The following DCLK1 variants were observed in gnomAD, a reference collection of about 807,000 sequenced individuals.
The protein encoded by DCLK1 is serine/threonine-protein kinase DCLK1.
Under a neutral mutation model 86.2 loss-of-function variants are expected in DCLK1, and 16 were observed. The ratio of observed to expected loss-of-function variants is 0.19; its 90% confidence interval spans 0.13 to 0.28. The LOEUF is 0.28. Ranked by LOEUF, DCLK1 falls within the 10% of genes least tolerant of loss-of-function variation. The pLI, the probability that DCLK1 is intolerant of heterozygous loss-of-function variation, is 1.00. For synonymous variants in DCLK1, 369 were observed against 370.5 expected, an observed-to-expected ratio of 1.00 and a Z score of 0.05; for missense variants, 590 against 940.2, an observed-to-expected ratio of 0.63 and a Z score of 4.87.
At chr13:35,810,661 G>C (rs2087123147) in intron 12 of DCLK1, among the ~76,000 whole-genome samples, 174 bp downstream of exon 12, 1 of 152,178 alleles carries the variant, frequency 6.6e-6, no homozygotes, top group Admixed American at 6.5e-5. Context: ...TGGGAAAACA[G>C]AGAAAATGGC....
intron 4 of DCLK1, among the ~76,000 whole-genome samples, chr13:35,929,612 G>C (rs1295505708): frequency 6.6e-6 from 1 of 152,164 alleles, no homozygotes; most frequent in Non-Finnish European, 1.5e-5. Context: ...GCAAAGATTT[G>C]CCTTTCCTCA....
chr13:36,089,639 T>A (rs561365270), intron 3 of DCLK1, among the ~76,000 whole-genome samples: 1 of 152,240 alleles, frequency 6.6e-6, no homozygotes, highest in South Asian at 2.1e-4. Flanking sequence ...CCAAGAAATA[T>A]ACAACAGGCA....
rs200123566 is a variant in DCLK1 at position 35,963,879 on chromosome 13, ACT to A, written c.724-16424_724-16423del. ...CCTGAGGCCTCCCCAGCAATGCAGA[ACT>A]CTGAGTCAACTAAACCTCTTTATAA... On this transcript the variant is annotated intron_variant, in intron 3 of 16. Transcript: ENST00000360631. 2.9e-3 allele frequency among the ~76,000 whole-genome samples: 440 copies of A among 152,264 alleles called. 16 individuals carry two copies. In the East Asian group the frequency reaches 0.061, roughly 21 times the overall value.
chr13:35,827,964 CATG>C (rs778750946), intron 9 of DCLK1, among the ~76,000 whole-genome samples: 108 of 152,200 alleles, frequency 7.1e-4, no homozygotes, highest in Non-Finnish European at 1.2e-3. Flanking sequence ...CAGAACCAAT[CATG>C]ATAACTACAG....
At chr13:36,012,725 G>A (rs1430235772) in intron 3 of DCLK1, among the ~76,000 whole-genome samples, 1 of 108,348 alleles carries the variant, frequency 9.2e-6, no homozygotes, top group Non-Finnish European at 1.8e-5. Context: ...CTCTTCTCGA[G>A]GAGTATCTTT....
rs1412506991 is a variant in DCLK1 at position 35,945,741 on chromosome 13, G to A, written c.823+1617C>T. 5.9e-5 allele frequency among the ~76,000 whole-genome samples: 9 copies of A among 152,096 alleles called. No homozygotes were observed. The South Asian group carries it at 1.9e-3, about 32-fold the overall frequency. On this transcript the variant is annotated intron_variant, in intron 4 of 16. Transcript: ENST00000360631. The stretch of plus-strand genomic sequence containing the variant: ...CAATGGCAAAGCTGTTCTTAAAATG[G>A]TGGCGTGGGGGGGACCTTCCCTGAG...
At chr13:36,001,380 A>T (rs1170151881) in intron 3 of DCLK1, among the ~76,000 whole-genome samples, 1 of 152,208 alleles carries the variant, frequency 6.6e-6, no homozygotes. Flanking sequence ...TTTAATGGAA[A>T]GAACCAGCTG....
At chr13:36,004,535 G>A (rs946745158) in intron 3 of DCLK1, among the ~76,000 whole-genome samples, 13 of 152,156 alleles carry the variant, frequency 8.5e-5, no homozygotes, top group Non-Finnish European at 1.8e-4. Context: ...ATCTTAAGAA[G>A]AGAATACTCA....
chr13:36,059,264 C>CT, intron 3 of DCLK1, among the ~76,000 whole-genome samples: 1 of 152,246 alleles, frequency 6.6e-6, no homozygotes, highest in South Asian at 2.1e-4. Flanking sequence ...AGGATAAAAG[C>CT]TTTCTCTTTT....
At chr13:35,886,171 C>G (rs909977518) in intron 4 of DCLK1, among the ~76,000 whole-genome samples, 1 of 152,020 alleles carries the variant, frequency 6.6e-6, no homozygotes, top group Non-Finnish European at 1.5e-5. Flanking sequence ...GCCACCATGC[C>G]TGGCTAATTT....
intron 2 of DCLK1, among the ~76,000 whole-genome samples, chr13:36,119,440 G>A (rs1348687899): frequency 6.6e-6 from 1 of 152,142 alleles, no homozygotes; most frequent in African/African-American, 2.4e-5. Context: ...AAAAGCTTAA[G>A]GAGAAACAAG....
Position 35,974,181 on chromosome 13 carries a change from C to T in DCLK1, c.724-26724G>A, listed in dbSNP as rs143803033. On this transcript the variant is annotated intron_variant, in intron 3 of 16. Coordinates refer to ENST00000360631, the MANE Select transcript of DCLK1 (RefSeq NM_001330071.2). The stretch of plus-strand genomic sequence containing the variant: ...TTGTTATTTGCTAGAGATCACAGGC[C>T]TAATTGAGCCCCCCTCAGATTCATG... 2.7e-3 allele frequency among the ~76,000 whole-genome samples: 409 copies of T among 152,306 alleles called. 1 individual carries two copies. The highest frequency in any genetic ancestry group is 7.1e-3 in the South Asian group (34 of 4,820).
intron 3 of DCLK1, among the ~76,000 whole-genome samples, chr13:35,972,671 A>G (rs1202524694): frequency 6.6e-6 from 1 of 152,080 alleles, no homozygotes; most frequent in Admixed American, 6.6e-5. Flanking sequence ...ACAGAGTGGG[A>G]AGGAAGCATG....
chr13:36,026,553 C>T (rs548886760), intron 3 of DCLK1, among the ~76,000 whole-genome samples: 77 of 152,274 alleles, frequency 5.1e-4, no homozygotes, highest in Middle Eastern at 3.4e-3. Context: ...CTTTCTACCA[C>T]TTAAATGATT....
At chr13:35,777,397 C>T (rs915255535) in intron 16 of DCLK1, among the ~76,000 whole-genome samples, 2 of 152,184 alleles carry the variant, frequency 1.3e-5, no homozygotes, top group African/African-American at 4.8e-5. Context: ...AGGAACAGAA[C>T]TCAGTCTTCT....
chr13:35,917,613 C>T (rs1486042983), intron 4 of DCLK1, among the ~76,000 whole-genome samples: 1 of 152,026 alleles, frequency 6.6e-6, no homozygotes, highest in East Asian at 1.9e-4. Context: ...GTTTTCTTCT[C>T]GGCATGTTAT....
At chr13:35,825,497 C>T (rs1336548466) in intron 10 of DCLK1, among the ~76,000 whole-genome samples, 2 of 152,152 alleles carry the variant, frequency 1.3e-5, no homozygotes, top group East Asian at 3.9e-4. Context: ...GATTGACAGA[C>T]TAAGATTTCT....
intron 3 of DCLK1, among the ~76,000 whole-genome samples, chr13:36,011,787 ACTTT>A (rs1201499655): frequency 2.0e-5 from 3 of 149,704 alleles, no homozygotes; most frequent in Non-Finnish European, 4.4e-5. Context: ...ATCCTTTTTG[ACTTT>A]CTGTCTCGTT....
intron 3 of DCLK1, among the ~76,000 whole-genome samples, chr13:36,060,941 T>C (rs1883520472): frequency 1.3e-5 from 2 of 152,160 alleles, no homozygotes; most frequent in South Asian, 4.1e-4. Context: ...TCAGATGTGA[T>C]GAATGCAACA....
Sources: allele counts gnomAD v4.1 joint callset (sites outside exome capture counted in the v4.1 genomes callset), GRCh38; gene constraint gnomAD v4.1.1; transcripts MANE v1.5; gene names NCBI Gene and HGNC (gene_info 2026-07-23, HGNC 2026-07-21).